COL5A1: variants seen among roughly 807,000 people sequenced by gnomAD.
COL5A1 encodes the protein collagen type V alpha 1 chain, also known as collagen alpha-1(V) chain.
In COL5A1, 16 loss-of-function variants were observed where a neutral mutation model predicts 263.7. The ratio of observed to expected loss-of-function variants is 0.06; its 90% CI spans 0.04 to 0.09. The LOEUF (loss-of-function observed/expected upper bound fraction) is 0.09, where lower values mean the gene tolerates loss of function less well. COL5A1 is among the 10% of genes least tolerant of loss of function. The pLI is 1.00. For missense variants in COL5A1, 2,036 were observed against 2,540.5 expected (o/e 0.80, Z 4.27); for synonymous variants, 1,012 against 1,004.5 (o/e 1.01, Z -0.14).
chr9:134,713,262 T>G (rs1018443900), intron 4 of COL5A1, among the ~76,000 whole-genome samples: 3 of 152,248 alleles, frequency 2.0e-5, no homozygotes, highest in African/African-American at 7.2e-5. Context: ...TCAGGGAGGC[T>G]GGGTCACAGG....
chr9:134,811,650 T>C lies in COL5A1; in HGVS notation c.3690+51T>C, dbSNP rs750517317. On this transcript the variant is annotated intron_variant, in intron 46 of 65. Transcript: ENST00000371817. ...GGGCTCCTCCGCTTCTGACGCCCCC[T>C]GTGTCTTCATTGTGCTCTCTCCTCT... 15 of 1,388,190 alleles carry C rather than the reference T, an allele frequency of 1.1e-5. No individual in the cohort carries two copies. In the South Asian group the frequency reaches 1.5e-4, roughly 14 times the overall value. 86.0% of individuals were successfully genotyped at this position (1,388,190 alleles called of 1,614,324 possible). A position where few individuals can be genotyped will look rare whatever the true frequency, so the allele number is the denominator to read the frequency against.
chr9:134,789,317 A>G lies in COL5A1; in HGVS notation c.2700+109A>G. The stretch of plus-strand genomic sequence containing the variant: ...TTATTTCTCACTCTCTTGCTTCTGA[A>G]ACTGCTCTCCTGAATGGCTGGCCTT... On this transcript the variant is annotated intron_variant, in intron 32 of 65. Transcript: ENST00000371817. The surrounding 1 kb of genome is among the most constrained non-coding windows in gnomAD (Gnocchi z 4.8). 1 of 900,274 alleles carries G rather than the reference A, an allele frequency of 1.1e-6. No homozygotes were observed. The highest frequency in any genetic ancestry group is 1.8e-6 in the Non-Finnish European group (1 of 559,854). The allele number at this position is 900,274 out of a possible 1,614,324, so 55.8% of individuals were successfully genotyped here.
rs960596715 is a variant in COL5A1 at position 134,753,982 on chromosome 9, C to A, written c.1773+79C>A. ...GCAGCGACGGCGAGCATGGAGGGAC[C>A]CCAACTGCTGCATGTTTTCAAGGAA... is the stretch of plus-strand genomic sequence containing the variant. On this transcript the variant is annotated intron_variant, in intron 15 of 65. Coordinates refer to ENST00000371817, the MANE Select transcript of COL5A1 (RefSeq NM_000093.5). 9.7e-6 allele frequency: 12 copies of A among 1,238,552 alleles called. No individual in the cohort carries two copies. In the East Asian group the frequency reaches 2.6e-4, roughly 26 times the overall value. The allele number at this position is 1,238,552 out of a possible 1,614,324, so 76.7% of individuals were successfully genotyped here. A position where few individuals can be genotyped will look rare whatever the true frequency, so the allele number is the denominator to read the frequency against.
At chr9:134,763,627 T>C (rs1012246390) in intron 19 of COL5A1, 66 bp from the exon 20 acceptor site, 26 of 1,517,940 alleles carry the variant, frequency 1.7e-5, no homozygotes, top group Middle Eastern at 3.4e-4. Flanking sequence ...TGTGCACCAC[T>C]GAGGGGAAGC....
chr9:134,659,639 T>C (rs1284167292), intron 1 of COL5A1, among the ~76,000 whole-genome samples: 1 of 152,190 alleles, frequency 6.6e-6, no homozygotes, highest in Non-Finnish European at 1.5e-5. Context: ...AACAACCCTC[T>C]GTCCTCCCTG....
chr9:134,752,698 C>T (rs1185399818), intron 14 of COL5A1, 53 bp downstream of exon 14: 1 of 1,425,962 alleles, frequency 7.0e-7, no homozygotes, highest in Admixed American at 1.7e-5. Flanking sequence ...TTGGCCCACT[C>T]CCTGTGTCGT....
rs566725299 is a variant in COL5A1, at chr9:134,709,472, G to T, written c.654+8139G>T. Among the ~76,000 whole-genome samples the T allele has an allele frequency of 2.6e-5, 4 of 152,352 alleles. No individual in the cohort carries two copies. The South Asian group carries it at 8.3e-4, about 32-fold the overall frequency. ...ATTCTCATTTGCAGTTCTGGTCTAG[G>T]GAGGCCTGAGTGGTGAGCGAGTGAG... On this transcript the variant is annotated intron_variant, in intron 4 of 65. Coordinates refer to ENST00000371817, the MANE Select transcript of COL5A1 (RefSeq NM_000093.5).
At chr9:134,772,516 G>A (rs763962361) in intron 25 of COL5A1, among the ~76,000 whole-genome samples, 3 of 152,198 alleles carry the variant, frequency 2.0e-5, no homozygotes, top group African/African-American at 7.2e-5. Flanking sequence ...CATACTCCCC[G>A]CAAGTCTCTG....
chr9:134,706,277 A>C (rs190608370), intron 4 of COL5A1, among the ~76,000 whole-genome samples: 67 of 152,250 alleles, frequency 4.4e-4, no homozygotes, highest in African/African-American at 1.6e-3. Context: ...CCTAAGCCCC[A>C]GGTTTCCAGA....
intron 18 of COL5A1, among the ~76,000 whole-genome samples, chr9:134,760,111 TAC>T (rs1237909241): frequency 1.6e-4 from 10 of 60,724 alleles, no homozygotes; most frequent in Non-Finnish European, 2.7e-4. Flanking sequence ...CCCACACTCA[TAC>T]ACGCCCACAC....
chr9:134,660,948 A>G (rs914032142), intron 1 of COL5A1, among the ~76,000 whole-genome samples: 1 of 152,036 alleles, frequency 6.6e-6, no homozygotes, highest in African/African-American at 2.4e-5. Flanking sequence ...GAGAATTGCT[A>G]TGTTTTGAAG....
intron 64 of COL5A1, chr9:134,830,310 G>A: frequency 2.3e-6 from 2 of 878,640 alleles, no homozygotes; most frequent in Non-Finnish European, 3.6e-6. Context: ...TCACGTGACA[G>A]CAAGACTCAG....
intron 4 of COL5A1, among the ~76,000 whole-genome samples, chr9:134,723,038 T>C (rs1834520046): frequency 6.6e-6 from 1 of 152,160 alleles, no homozygotes; most frequent in African/African-American, 2.4e-5. Context: ...CAGGTAGCTG[T>C]CCTCGGTCAC....
chr9:134,823,433 G>C lies in COL5A1; in HGVS notation c.4662G>C (p.Lys1554Asn). ...AKGSSGPTGP[K>N]GEAGHPGPPG... is the part of the protein sequence containing the mutation. ...CTCCCCAGGGTCCAACTGGCCCGAA[G>C]GGTGAGGCAGGCCACCCAGGACCCC... Residue 1554 changes from lysine (K) to asparagine (N), a missense_variant, in exon 61 of 66, where the codon AAG becomes AAC. This residue lies in a region of COL5A1 where 1,078 missense variants were observed against 1,521.4 expected (regional missense o/e 0.71). Transcript: ENST00000371817. 1 of 1,614,234 alleles carries C rather than the reference G, an allele frequency of 6.2e-7. No individual in the cohort carries two copies.
intron 64 of COL5A1, among the ~76,000 whole-genome samples, chr9:134,830,844 C>T (rs927014289): frequency 3.3e-5 from 5 of 152,340 alleles, no homozygotes; most frequent in Admixed American, 1.3e-4. Flanking sequence ...GTGAGGACAG[C>T]GGCTGCTTCT....
At chr9:134,796,029 A>G (rs10858280) in intron 34 of COL5A1, among the ~76,000 whole-genome samples, 100,661 of 152,232 alleles carry the variant, frequency 0.66, 34,427 homozygotes, top group African/African-American at 0.84. Flanking sequence ...CAGCTGTCAC[A>G]TGGGGGTGGC....
chr9:134,641,873 C>A lies in COL5A1; in HGVS notation c.-315C>A, dbSNP rs977287848. The stretch of plus-strand genomic sequence containing the variant: ...CGGAGCGCCCACGGGGAGCGGGTCG[C>A]GGGGCGGCGGCGGCGAGGAGGAGGC... On this transcript the variant is annotated 5_prime_UTR_variant, in exon 1 of 66. Coordinates refer to ENST00000371817, the MANE Select transcript of COL5A1 (RefSeq NM_000093.5). 1 of 389,534 alleles carries A rather than the reference C, an allele frequency of 2.6e-6. No individual in the cohort carries two copies. The highest frequency in any genetic ancestry group is 4.5e-6 in the Non-Finnish European group (1 of 220,468). The allele number at this position is 389,534 out of a possible 1,614,324, so 24.1% of individuals were successfully genotyped here.
intron 29 of COL5A1, among the ~76,000 whole-genome samples, chr9:134,782,990 G>A (rs561580903): frequency 1.3e-5 from 2 of 152,222 alleles, no homozygotes; most frequent in Admixed American, 6.5e-5. Flanking sequence ...CCACACAGGG[G>A]GTCAGTGGGG....
chr9:134,805,018 C>T lies in COL5A1; in HGVS notation c.3158C>T (p.Pro1053Leu). ...GGCCTCCCTGGGAAAGATGGCCCTC[C>T]AGGATTACGTGGTTTCCCTGGGGAC... ...PAGLPGKDGP[P>L]GLRGFPGDRG... Residue 1053 changes from proline to leucine, a missense_variant, in exon 40 of 66, where the codon CCA becomes CTA. This residue lies in a region of COL5A1 where 1,078 missense variants were observed against 1,521.4 expected (regional missense o/e 0.71). Transcript: ENST00000371817. The T allele has an allele frequency of 2.5e-6, 4 of 1,613,956 alleles. No individual in the cohort carries two copies. Among genetic ancestry groups the T allele is most frequent in the South Asian group, 1.1e-5 (1 of 91,086 alleles).
Sources: allele counts gnomAD v4.1 joint callset (sites outside exome capture counted in the v4.1 genomes callset), GRCh38; gene constraint gnomAD v4.1.1; regional missense constraint gnomAD v4.1.1; non-coding constraint Gnocchi (gnomAD v3.1); transcripts MANE v1.5; gene names NCBI Gene and HGNC (gene_info 2026-07-23, HGNC 2026-07-21).